The following LPP variants were observed in gnomAD, a reference collection of about 807,000 sequenced individuals.
The protein encoded by LPP is lipoma-preferred partner.
A neutral mutation model predicts 60.4 loss-of-function variants in LPP; 38 were observed. That is an observed-to-expected ratio of 0.63 (90% CI 0.49 to 0.83). The LOEUF is 0.83. LPP is among the 40% of genes least tolerant of loss of function. LPP has a pLI of 0.00. For synonymous variants in LPP, 328 were observed against 290.8 expected, an observed-to-expected ratio of 1.13 and a Z score of -1.30; for missense variants, 902 against 783.6, an observed-to-expected ratio of 1.15 and a Z score of -1.80.
rs1833726633 is a variant in LPP, at chr3:188,572,376, T to C, written c.430-36785T>C. 6.6e-6 allele frequency among the ~76,000 whole-genome samples: 1 copy of C among 152,122 alleles called. No homozygotes were observed. The highest frequency in any genetic ancestry group is 2.1e-4 in the South Asian group (1 of 4,828). On this transcript the variant is annotated intron_variant, in intron 6 of 11. Coordinates refer to ENST00000617246, the MANE Select transcript of LPP (RefSeq NM_001375462.1). This position sits in a 1 kb window ranked among gnomAD's most constrained non-coding sequence, Gnocchi z 4.1. ...ATTTTATAATCAGTAGCATCTTTGA[T>C]TTGATGGGGTAGTGTAGTAAGAACT...
intron 6 of LPP, among the ~76,000 whole-genome samples, chr3:188,549,468 CA>C (rs1645566481): frequency 6.6e-6 from 1 of 152,146 alleles, no homozygotes; most frequent in Non-Finnish European, 1.5e-5. Context: ...AGGATGTTAG[CA>C]TGACTGATAG....
At chr3:188,327,987 G>A (rs75126947) in intron 2 of LPP, among the ~76,000 whole-genome samples, 1,630 of 152,220 alleles carry the variant, frequency 0.011, 18 homozygotes, top group Admixed American at 0.016. Context: ...AGTGACAAAA[G>A]TGGGAGCTGG....
chr3:188,828,638 A>C (rs1490897874), intron 9 of LPP, among the ~76,000 whole-genome samples: 1 of 148,620 alleles, frequency 6.7e-6, no homozygotes, highest in East Asian at 2.0e-4. Context: ...AAAAAAAAAA[A>C]AACTCAGCTG....
intron 5 of LPP, among the ~76,000 whole-genome samples, chr3:188,500,312 G>T (rs1811456056): frequency 6.6e-6 from 1 of 151,928 alleles, no homozygotes; most frequent in South Asian, 2.1e-4. Context: ...AAAGGATATT[G>T]AATTTTGTCA....
chr3:188,882,962 TCGTGATC>T lies in LPP; in HGVS notation c.*8486_*8492del. ...TCACCGTGGTCTCGATCTCCTGACC[TCGTGATC>T]CGCCCGCCTCGGCCTCCCAAAGTGC... On this transcript the variant is annotated 3_prime_UTR_variant, in exon 12 of 12. Transcript: ENST00000617246. 5.4e-6 allele frequency: 1 copy of T among 186,594 alleles called. No individual in the cohort carries two copies. The highest frequency in any genetic ancestry group is 8.7e-5 in the East Asian group (1 of 11,508). 11.6% of individuals were successfully genotyped at this position (186,594 alleles called of 1,614,324 possible). A position where few individuals can be genotyped will look rare whatever the true frequency, so the allele number is the denominator to read the frequency against.
chr3:188,860,008 T>C (rs930931929), intron 9 of LPP, among the ~76,000 whole-genome samples: 3 of 152,100 alleles, frequency 2.0e-5, no homozygotes, highest in African/African-American at 7.2e-5. Context: ...AAACACACAT[T>C]ACATGCAGAT....
chr3:188,196,220 A>G (rs1163285182), intron 1 of LPP, among the ~76,000 whole-genome samples: 1 of 152,076 alleles, frequency 6.6e-6, no homozygotes, highest in African/African-American at 2.4e-5. Context: ...GCTTTGTCTC[A>G]TGACTGCTAG....
At chr3:188,346,251 CTTTTTTT>C (rs1050679907) in intron 3 of LPP, among the ~76,000 whole-genome samples, 20 of 88,344 alleles carry the variant, frequency 2.3e-4, no homozygotes, top group African/African-American at 3.1e-4. Context: ...AGTAGCAAAT[CTTTTTTT>C]TTTTTTTTTT....
chr3:188,523,470 G>T lies in LPP; in HGVS notation c.307-1195G>T, dbSNP rs575671288. Among the ~76,000 whole-genome samples, 5 of 152,268 alleles carry T rather than the reference G, an allele frequency of 3.3e-5. No individual in the cohort carries two copies. In the South Asian group the frequency reaches 8.3e-4, roughly 25 times the overall value. On this transcript the variant is annotated intron_variant, in intron 5 of 11. Coordinates refer to ENST00000617246, the MANE Select transcript of LPP (RefSeq NM_001375462.1). ...AGGTGGTTTGGTGAGTAAGCTACTA[G>T]GGCATACGGAACTAGTGGTCTTCAC...
At chr3:188,391,883 A>T (rs917036622) in intron 3 of LPP, among the ~76,000 whole-genome samples, 16 of 152,192 alleles carry the variant, frequency 1.1e-4, no homozygotes, top group Non-Finnish European at 1.5e-4. Context: ...TGTCTGTGTC[A>T]CCATTCTTCT....
At chr3:188,787,471 C>T (rs1742316769) in intron 9 of LPP, among the ~76,000 whole-genome samples, 1 of 152,016 alleles carries the variant, frequency 6.6e-6, no homozygotes, top group Admixed American at 6.6e-5. Flanking sequence ...TGTCTTTGCT[C>T]TACTAACAGT....
At chr3:188,755,833 A>C (rs1273661218) in intron 8 of LPP, among the ~76,000 whole-genome samples, 5 of 13,504 alleles carry the variant, frequency 3.7e-4, no homozygotes, top group African/African-American at 1.7e-3. Context: ...AAAAAAAAAA[A>C]AAAAAAAAAA....
intron 6 of LPP, among the ~76,000 whole-genome samples, chr3:188,576,879 C>G (rs1267572032): frequency 1.3e-5 from 2 of 152,162 alleles, no homozygotes; most frequent in Non-Finnish European, 2.9e-5. Context: ...ATTGTACATT[C>G]TTTGTTAACT....
At chr3:188,202,513 T>G (rs1218954602) in intron 1 of LPP, among the ~76,000 whole-genome samples, 1 of 152,252 alleles carries the variant, frequency 6.6e-6, no homozygotes, top group Non-Finnish European at 1.5e-5. Context: ...TCTGCATCAA[T>G]GCTCTTGCAT....
At chr3:188,551,021 G>T (rs1457788397) in intron 6 of LPP, among the ~76,000 whole-genome samples, 1 of 152,106 alleles carries the variant, frequency 6.6e-6, no homozygotes, top group Non-Finnish European at 1.5e-5. Context: ...ATATAAAAAA[G>T]TAGTGCCCAA....
rs75388168 is a variant in LPP at position 188,188,048 on chromosome 3, G to T, written c.-190+33796G>T. 3.6e-3 allele frequency among the ~76,000 whole-genome samples: 547 copies of T among 152,218 alleles called. 17 individuals carry two copies. The East Asian group carries it at 0.079, about 22-fold the overall frequency. On this transcript the variant is annotated intron_variant, in intron 1 of 11. Transcript: ENST00000617246. Reference sequence around the variant, plus strand: ...TACATATTGTTGAATGGGAGTTATTGCCAGTTATTTGCTCTTATAAATAAT... The same window carrying T: ...TACATATTGTTGAATGGGAGTTATTTCCAGTTATTTGCTCTTATAAATAAT...
chr3:188,351,865 C>T (rs535238771), intron 3 of LPP, among the ~76,000 whole-genome samples: 15 of 152,178 alleles, frequency 9.9e-5, no homozygotes, highest in East Asian at 9.6e-4. Flanking sequence ...TGTGGTCACC[C>T]GAGTGTACCA....
In LPP at chr3:188,882,265, A is replaced by G. The variant is rs899575396; in HGVS notation, c.*7786A>G. 3 of 222,300 alleles carry G rather than the reference A, an allele frequency of 1.3e-5. No individual in the cohort carries two copies. The highest frequency in any genetic ancestry group is 6.7e-5 in the African/African-American group (3 of 44,754). The allele number at this position is 222,300 out of a possible 1,614,324, so 13.8% of individuals were successfully genotyped here. ...TTGATTTAGAAGTTGAGAAAAGAGT[A>G]TTTAAGGCACAACAGGGAAACATGG... is the stretch of plus-strand genomic sequence containing the variant. On this transcript the variant is annotated 3_prime_UTR_variant, in exon 12 of 12. Transcript: ENST00000617246.
At chr3:188,706,264 C>T (rs1188078565) in intron 7 of LPP, among the ~76,000 whole-genome samples, 1 of 152,172 alleles carries the variant, frequency 6.6e-6, no homozygotes, top group Non-Finnish European at 1.5e-5. Context: ...CTCTCAGTTT[C>T]CCTGTCTCAC....
Sources: gnomAD v4.1 joint callset for allele counts (sites outside exome capture counted in the v4.1 genomes callset) on GRCh38, gnomAD v4.1.1 for gene constraint, Gnocchi (gnomAD v3.1) non-coding constraint, MANE v1.5 for transcripts, NCBI Gene and HGNC (gene_info 2026-07-23, HGNC 2026-07-21) for gene names.